SGCZ: variants seen among roughly 807,000 people sequenced by gnomAD.
SGCZ encodes sarcoglycan zeta, also known as zeta-sarcoglycan.
SGCZ carries 40 observed loss-of-function variants against 41.3 expected under a neutral mutation model. The ratio of observed to expected loss-of-function variants is 0.97; its 90% CI spans 0.75 to 1.26. The LOEUF is 1.26. Among genes scored for constraint, SGCZ ranks in the 50% most tolerant of loss-of-function variants. The pLI is 0.00. For missense variants in SGCZ, 552 were observed against 369.8 expected (o/e 1.49, Z -4.04); for synonymous variants, 206 against 137.5 (o/e 1.50, Z -3.49).
At chr8:14,610,105 G>A (rs981516118) in intron 1 of SGCZ, among the ~76,000 whole-genome samples, 8 of 152,062 alleles carry the variant, frequency 5.3e-5, no homozygotes, top group Admixed American at 2.0e-4. Flanking sequence ...AAATCTTTGG[G>A]GAGGCAAATT....
chr8:15,186,424 AC>A (rs1357070912), intron 1 of SGCZ, among the ~76,000 whole-genome samples: 2 of 152,078 alleles, frequency 1.3e-5, no homozygotes, highest in Non-Finnish European at 2.9e-5. Context: ...CTCATGATCT[AC>A]TCATAAATGT....
intron 1 of SGCZ, among the ~76,000 whole-genome samples, chr8:14,736,315 T>G (rs191495686): frequency 6.6e-6 from 1 of 152,198 alleles, no homozygotes; most frequent in East Asian, 1.9e-4. Context: ...ATAAATTCCC[T>G]TTAAATAGTC....
intron 1 of SGCZ, among the ~76,000 whole-genome samples, chr8:15,111,220 A>T (rs1807037609): frequency 6.6e-6 from 1 of 152,150 alleles, no homozygotes; most frequent in South Asian, 2.1e-4. Context: ...CCCAAGGCCA[A>T]TTCGCGCTGA....
At chr8:15,161,925 C>T (rs939176123) in intron 1 of SGCZ, among the ~76,000 whole-genome samples, 3 of 152,240 alleles carry the variant, frequency 2.0e-5, no homozygotes, top group African/African-American at 7.2e-5. Context: ...GTCCCAGCTA[C>T]TTGGCTGGGA....
chr8:15,137,598 C>G (rs905604736), intron 1 of SGCZ, among the ~76,000 whole-genome samples: 1 of 152,150 alleles, frequency 6.6e-6, no homozygotes, highest in Non-Finnish European at 1.5e-5. Flanking sequence ...CCAGACTTGG[C>G]TAAAAGGGGA....
At chr8:14,517,417 T>A (rs1222605763) in intron 2 of SGCZ, among the ~76,000 whole-genome samples, 1 of 152,106 alleles carries the variant, frequency 6.6e-6, no homozygotes, top group African/African-American at 2.4e-5. Flanking sequence ...TGAGACATAA[T>A]AATTTAAGTC....
At chr8:14,932,356 C>G (rs1585390060) in intron 1 of SGCZ, among the ~76,000 whole-genome samples, 1 of 151,890 alleles carries the variant, frequency 6.6e-6, no homozygotes, top group Non-Finnish European at 1.5e-5. Context: ...TCATTTCAGG[C>G]CATTTTCCAT....
intron 2 of SGCZ, among the ~76,000 whole-genome samples, chr8:14,359,525 G>A (rs1394120271): frequency 6.6e-6 from 1 of 150,786 alleles, no homozygotes. Context: ...ATAATATCAA[G>A]GTTCTTCACT....
chr8:14,471,195 A>G (rs1801203675), intron 2 of SGCZ, among the ~76,000 whole-genome samples: 1 of 152,166 alleles, frequency 6.6e-6, no homozygotes, highest in Non-Finnish European at 1.5e-5. Flanking sequence ...AATATTTGTC[A>G]AAACTACTAA....
chr8:14,784,916 A>ATG (rs1327131766), intron 1 of SGCZ, among the ~76,000 whole-genome samples: 1 of 96,184 alleles, frequency 1.0e-5, no homozygotes, highest in Non-Finnish European at 2.1e-5. Flanking sequence ...AAAAAAAAAT[A>ATG]TATATATATA....
At chr8:14,588,126 A>C (rs1472555447) in intron 1 of SGCZ, among the ~76,000 whole-genome samples, 1 of 152,016 alleles carries the variant, frequency 6.6e-6, no homozygotes, top group Non-Finnish European at 1.5e-5. Flanking sequence ...ATTAGTAAGA[A>C]TTTTGTGTCT....
chr8:14,870,049 G>A (rs951082997), intron 1 of SGCZ, among the ~76,000 whole-genome samples: 1 of 152,040 alleles, frequency 6.6e-6, no homozygotes, highest in Non-Finnish European at 1.5e-5. Context: ...AGCTACCATT[G>A]ACTTTCTTCA....
At chr8:15,033,689 G>C (rs1803770474) in intron 1 of SGCZ, among the ~76,000 whole-genome samples, 2 of 152,030 alleles carry the variant, frequency 1.3e-5, no homozygotes, top group Admixed American at 1.3e-4. Context: ...GCTTATCCCA[G>C]TGCCTGGTTG....
At chr8:14,689,165 G>A (rs1023918238) in intron 1 of SGCZ, among the ~76,000 whole-genome samples, 1 of 151,914 alleles carries the variant, frequency 6.6e-6, no homozygotes, top group African/African-American at 2.4e-5. Flanking sequence ...ATTTTGAGAT[G>A]AATATCAAAA....
At chr8:14,622,090 T>C (rs1015643726) in intron 1 of SGCZ, among the ~76,000 whole-genome samples, 2 of 152,006 alleles carry the variant, frequency 1.3e-5, no homozygotes, top group African/African-American at 4.8e-5. Flanking sequence ...TTTGTATAGG[T>C]AGAAAAAAGA....
intron 5 of SGCZ, 145 bp from the exon 6 acceptor site, chr8:14,108,380 G>A (rs1802273006): frequency 1.5e-6 from 1 of 654,720 alleles, no homozygotes; most frequent in Non-Finnish European, 2.6e-6. Flanking sequence ...TCACACTGCT[G>A]ATAAAGACAT....
intron 3 of SGCZ, among the ~76,000 whole-genome samples, chr8:14,277,856 G>C (rs113293403): frequency 4.0e-5 from 6 of 151,872 alleles, no homozygotes; most frequent in African/African-American, 1.4e-4. Context: ...CCCCCCTTTA[G>C]GAATGTAAGC....
intron 1 of SGCZ, among the ~76,000 whole-genome samples, chr8:14,797,420 C>T (rs1801170880): frequency 6.6e-6 from 1 of 152,108 alleles, no homozygotes; most frequent in Admixed American, 6.6e-5. Flanking sequence ...AGACTGGAGG[C>T]ATTTTGGCCC....
chr8:14,102,103 TAA>T (rs1491393326), intron 7 of SGCZ, among the ~76,000 whole-genome samples: 17 of 33,720 alleles, frequency 5.0e-4, no homozygotes, highest in Admixed American at 1.2e-3. Context: ...TATATATATA[TAA>T]TTTTTTTTTT....
Sources: allele counts gnomAD v4.1 joint callset (sites outside exome capture counted in the v4.1 genomes callset), GRCh38; gene constraint gnomAD v4.1.1; transcripts MANE v1.5; gene names NCBI Gene and HGNC (gene_info 2026-07-23, HGNC 2026-07-21).